PLEKHF2: variants seen among roughly 807,000 people sequenced by gnomAD.
The protein encoded by PLEKHF2 is pleckstrin homology domain-containing family F member 2.
Under a neutral mutation model 14.7 loss-of-function variants are expected in PLEKHF2, and 4 were observed. That is an observed-to-expected ratio of 0.27 (90% CI 0.13 to 0.62). PLEKHF2 has a LOEUF of 0.62. PLEKHF2 is among the 20% of genes least tolerant of loss of function. The probability of loss-of-function intolerance (pLI) is 0.85; values close to 1 mark genes in which losing one functional copy is unlikely to be tolerated. For missense variants in PLEKHF2, 201 were observed against 307.7 expected, an observed-to-expected ratio of 0.65 and a Z score of 2.60; for synonymous variants, 90 against 103.5, an observed-to-expected ratio of 0.87 and a Z score of 0.79.
rs1242156761 is a variant in PLEKHF2 at position 95,154,755 on chromosome 8, T to G, written c.711T>G (p.Asp237Glu). Residue 237 changes from aspartate (D) to glutamate (E), a missense_variant, in exon 2 of 2, where the codon GAT (aspartate) becomes GAG (glutamate). Coordinates refer to ENST00000315367, the MANE Select transcript of PLEKHF2 (RefSeq NM_024613.4). The surrounding 1 kb of genome is among the most constrained non-coding windows in gnomAD (Gnocchi z 5.6). The part of the protein sequence containing the change: ...YSQSLKSPLN[D>E]MSDDDDDDDS... Reference sequence around the variant, plus strand: ...AGTCATTGAAGTCTCCTTTAAATGATATGTCTGATGATGATGACGATGATG... The same window carrying G: ...AGTCATTGAAGTCTCCTTTAAATGAGATGTCTGATGATGATGACGATGATG... The G allele has an allele frequency of 1.2e-6, 2 of 1,613,982 alleles. No homozygotes were observed. The highest frequency in any genetic ancestry group is 1.7e-6 in the Non-Finnish European group (2 of 1,179,984).
intron 1 of PLEKHF2, among the ~76,000 whole-genome samples, chr8:95,143,935 G>A (rs964745737): frequency 1.3e-5 from 2 of 152,152 alleles, no homozygotes; most frequent in African/African-American, 4.8e-5. Flanking sequence ...TGCAGCCCAC[G>A]GGGTGCATGT....
chr8:95,136,333 TACACACACACACACACACACAC>T (rs34457137), intron 1 of PLEKHF2, among the ~76,000 whole-genome samples: 7 of 123,934 alleles, frequency 5.6e-5, no homozygotes, highest in Non-Finnish European at 1.3e-4. Context: ...TTATTATATA[TACACACACACACACACACACAC>T]ACACACACAC....
intron 1 of PLEKHF2, among the ~76,000 whole-genome samples, chr8:95,141,752 C>T (rs529129173): frequency 1.3e-5 from 2 of 149,666 alleles, no homozygotes; most frequent in South Asian, 4.2e-4. Flanking sequence ...GTTGGCCAGG[C>T]TGGTATCGAA....
At chr8:95,146,856 C>A in intron 1 of PLEKHF2, among the ~76,000 whole-genome samples, 1 of 151,100 alleles carries the variant, frequency 6.6e-6, no homozygotes. Context: ...TAATGGAATT[C>A]TATGAAGTAC....
intron 1 of PLEKHF2, among the ~76,000 whole-genome samples, chr8:95,148,867 T>C (rs10956939): frequency 0.08 from 12,136 of 152,118 alleles, 667 homozygotes; most frequent in African/African-American, 0.14. Flanking sequence ...AAAGCATAGA[T>C]AATAAATAGG....
At position 95,154,666 on chromosome 8, in the gene PLEKHF2, T is replaced by A; in HGVS notation, c.622T>A (p.Tyr208Asn). The change falls in exon 2 of 2, where the codon TAT becomes AAT. Residue 208 changes from tyrosine to asparagine, a missense_variant. Tyr to Asn is a moderately radical substitution (Grantham distance 143). Coordinates refer to ENST00000315367, the MANE Select transcript of PLEKHF2 (RefSeq NM_024613.4). This position sits in a 1 kb window ranked among gnomAD's most constrained non-coding sequence, Gnocchi z 5.6. ...GCCTGTGCGGATTTGTGACTTCTGCTATGACCTGCTTTCTGCTGGGGACAT... is the reference window on the plus strand; with the variant it reads ...GCCTGTGCGGATTTGTGACTTCTGCAATGACCTGCTTTCTGCTGGGGACAT... ...SKPVRICDFC[Y>N]DLLSAGDMAT... 1 of 1,614,190 alleles carries A rather than the reference T, an allele frequency of 6.2e-7. No homozygotes were observed. Among genetic ancestry groups the A allele is most frequent in the Non-Finnish European group, 8.5e-7 (1 of 1,180,014 alleles).
Position 95,154,231 on chromosome 8 carries a change from G to A in PLEKHF2, c.187G>A (p.Val63Ile), listed in dbSNP as rs967893705. Reference protein sequence around the residue: ...RQFFLFNDILVYGNIVIQKKK... With the variant: ...RQFFLFNDILIYGNIVIQKKK... The stretch of plus-strand genomic sequence containing the variant: ...GTTTTTCTTGTTTAATGATATTCTT[G>A]TATATGGCAATATTGTCATCCAGAA... The change falls in exon 2 of 2, where the codon GTA (valine) becomes ATA (isoleucine). Residue 63 changes from valine (V) to isoleucine (I), a missense_variant. By Grantham distance (29) the Val-to-Ile change is conservative (BLOSUM62 3). Coordinates refer to ENST00000315367, the MANE Select transcript of PLEKHF2 (RefSeq NM_024613.4). This position sits in a 1 kb window ranked among gnomAD's most constrained non-coding sequence, Gnocchi z 5.6. The A allele has an allele frequency of 6.2e-7, 1 of 1,613,776 alleles. No homozygotes were observed. The highest frequency in any genetic ancestry group is 8.5e-7 in the Non-Finnish European group (1 of 1,179,878).
At chr8:95,141,117 ATGTT>A (rs1347817744) in intron 1 of PLEKHF2, among the ~76,000 whole-genome samples, 2 of 152,182 alleles carry the variant, frequency 1.3e-5, no homozygotes, top group African/African-American at 2.4e-5. Context: ...GTGATAATAA[ATGTT>A]TGACTACTTG....
intron 1 of PLEKHF2, 181 bp downstream of exon 1, chr8:95,134,211 C>T (rs946383616): frequency 6.7e-6 from 1 of 149,640 alleles, no homozygotes; most frequent in African/African-American, 2.4e-5. Flanking sequence ...CGCTCCCGGC[C>T]GCTCCCCTCG....
Position 95,155,006 on chromosome 8 carries a change from A to G in PLEKHF2, c.*212A>G. 1.9e-6 allele frequency: 1 copy of G among 513,902 alleles called. No individual in the cohort carries two copies. Among genetic ancestry groups the G allele is most frequent in the Non-Finnish European group, 3.5e-6 (1 of 289,076 alleles). The allele number at this position is 513,902 out of a possible 1,614,324, so 31.8% of individuals were successfully genotyped here. ...CTTCTACAGGGATAGGCTTTTGCAAATATATCAGATAAATTTTTTGTTTCT... is the reference window on the plus strand; with the variant it reads ...CTTCTACAGGGATAGGCTTTTGCAAGTATATCAGATAAATTTTTTGTTTCT... On this transcript the variant is annotated 3_prime_UTR_variant, in exon 2 of 2. Coordinates refer to ENST00000315367, the MANE Select transcript of PLEKHF2 (RefSeq NM_024613.4).
At chr8:95,136,919 C>T (rs369080073) in intron 1 of PLEKHF2, among the ~76,000 whole-genome samples, 14 of 152,278 alleles carry the variant, frequency 9.2e-5, no homozygotes, top group East Asian at 3.9e-4. Flanking sequence ...CTATAGAATT[C>T]GGGGTTTATT....
intron 1 of PLEKHF2, among the ~76,000 whole-genome samples, chr8:95,143,312 G>A (rs184878947): frequency 6.6e-6 from 1 of 152,064 alleles, no homozygotes; most frequent in Admixed American, 6.5e-5. Context: ...TGTTAGCCAG[G>A]ATGGTTTCGA....
intron 1 of PLEKHF2, among the ~76,000 whole-genome samples, chr8:95,143,813 A>C (rs2132107285): frequency 6.6e-6 from 1 of 152,306 alleles, no homozygotes; most frequent in Non-Finnish European, 1.5e-5. Flanking sequence ...TTTAGATTTG[A>C]TTCTGTTGGC....
intron 1 of PLEKHF2, among the ~76,000 whole-genome samples, chr8:95,136,155 T>C (rs1810373858): frequency 6.6e-6 from 1 of 152,212 alleles, no homozygotes; most frequent in African/African-American, 2.4e-5. Flanking sequence ...ACATAGCAGA[T>C]GCTCAGGAAA....
At chr8:95,139,623 T>C (rs1327480352) in intron 1 of PLEKHF2, among the ~76,000 whole-genome samples, 2 of 152,218 alleles carry the variant, frequency 1.3e-5, no homozygotes, top group Non-Finnish European at 2.9e-5. Flanking sequence ...CTTTTTGTGA[T>C]ACATTTAACT....
intron 1 of PLEKHF2, among the ~76,000 whole-genome samples, chr8:95,151,633 T>C (rs1288368152): frequency 6.6e-6 from 1 of 152,058 alleles, no homozygotes; most frequent in African/African-American, 2.4e-5. Context: ...AACTAGAATG[T>C]AAACCCTGAA....
chr8:95,135,793 C>G (rs924666611), intron 1 of PLEKHF2, among the ~76,000 whole-genome samples: 12 of 152,146 alleles, frequency 7.9e-5, no homozygotes, highest in African/African-American at 2.9e-4. Context: ...TTTCCTGTAG[C>G]ATAACTTTGT....
chr8:95,134,648 A>G (rs1187428463), intron 1 of PLEKHF2, among the ~76,000 whole-genome samples: 1 of 152,082 alleles, frequency 6.6e-6, no homozygotes, highest in African/African-American at 2.4e-5. Flanking sequence ...TTTTCTTTTT[A>G]AAAATGTGAT....
intron 1 of PLEKHF2, among the ~76,000 whole-genome samples, chr8:95,136,284 A>G (rs60036223): frequency 0.23 from 35,468 of 151,416 alleles, 6,012 homozygotes; most frequent in African/African-American, 0.47. Context: ...CTTTTTCCCA[A>G]TACATGCCAT....
Sources: allele counts gnomAD v4.1 joint callset (sites outside exome capture counted in the v4.1 genomes callset), GRCh38; gene constraint gnomAD v4.1.1; non-coding constraint Gnocchi (gnomAD v3.1); transcripts MANE v1.5; gene names NCBI Gene and HGNC (gene_info 2026-07-23, HGNC 2026-07-21).